The following ANXA8 variants were observed in gnomAD, a reference collection of about 807,000 sequenced individuals.
ANXA8 encodes the protein annexin A8.
In ANXA8, 9 loss-of-function variants were observed where a neutral mutation model predicts 26.8. That is an observed-to-expected ratio of 0.34 (90% CI 0.20 to 0.59). ANXA8 has a LOEUF of 0.59. Among genes scored for constraint, ANXA8 ranks in the 20% least tolerant of loss-of-function variants. The pLI, the probability that ANXA8 is intolerant of heterozygous loss-of-function variation, is 0.84. For missense variants in ANXA8, 83 were observed against 238.5 expected (o/e 0.35, Z 4.29); for synonymous variants, 39 against 94.8 (o/e 0.41, Z 3.42).
At chr10:47,490,698 TA>T in the ANXA8 span, among the ~76,000 whole-genome samples, 4 of 139,960 alleles carry the variant, frequency 2.9e-5, no homozygotes, top group African/African-American at 8.3e-5. Flanking sequence ...AGTGAAAGGT[TA>T]AAGCAGGTGG....
At chr10:47,684,612 G>C in the ANXA8 span, among the ~76,000 whole-genome samples, 218 of 151,848 alleles carry the variant, frequency 1.4e-3, 3 homozygotes, top group African/African-American at 5.1e-3. Flanking sequence ...TTGAGACAGA[G>C]TCTCGCTCTG....
the ANXA8 span, among the ~76,000 whole-genome samples, chr10:47,665,169 T>C: frequency 6.8e-6 from 1 of 147,334 alleles, no homozygotes; most frequent in East Asian, 2.0e-4. Context: ...AACTGCAAAT[T>C]AAAAAAAAAA....
At chr10:47,526,217 G>T in the ANXA8 span, among the ~76,000 whole-genome samples, 2 of 126,500 alleles carry the variant, frequency 1.6e-5, 1 homozygote, top group South Asian at 5.1e-4. Flanking sequence ...TCATTCAAGT[G>T]CCTAAGCCTC....
chr10:47,478,240 TG>T, intron 3 of ANXA8: 3 of 675,006 alleles, frequency 4.4e-6, no homozygotes, highest in Admixed American at 4.3e-5. Context: ...TGGGGCCTGT[TG>T]GGTGCATGAG....
chr10:47,942,812 C>G, the ANXA8 span, among the ~76,000 whole-genome samples: 1 of 145,920 alleles, frequency 6.9e-6, no homozygotes, highest in Non-Finnish European at 1.5e-5. Flanking sequence ...AGCCTACAGG[C>G]GGCAGGAGGC....
At chr10:47,488,713 ATTTTTTTTTTTTTTTTT>A (rs1160121365), upstream of ANXA8, among the ~76,000 whole-genome samples, 117 of 62,126 alleles carry the variant, frequency 1.9e-3, 1 homozygote, top group Non-Finnish European at 2.6e-3. Context: ...TACATGTTAA[ATTTTTTTTTTTTTTTTT>A]TTTTTTTTTT....
chr10:47,555,829 G>A, the ANXA8 span, among the ~76,000 whole-genome samples: 1 of 152,102 alleles, frequency 6.6e-6, no homozygotes. Context: ...GGTTTCAGAA[G>A]TGTGTGAGTA....
At chr10:47,937,356 C>T in the ANXA8 span, among the ~76,000 whole-genome samples, 1 of 149,332 alleles carries the variant, frequency 6.7e-6, no homozygotes, top group African/African-American at 2.4e-5. Context: ...GGGTTTGAAC[C>T]AGAATATTTT....
chr10:47,627,182 G>C, the ANXA8 span, among the ~76,000 whole-genome samples: 1 of 150,182 alleles, frequency 6.7e-6, no homozygotes, highest in East Asian at 1.9e-4. Flanking sequence ...AACAGGAACA[G>C]TAATAATCTT....
At chr10:47,668,902 C>T in the ANXA8 span, among the ~76,000 whole-genome samples, 2 of 151,490 alleles carry the variant, frequency 1.3e-5, no homozygotes, top group South Asian at 4.1e-4. Flanking sequence ...TTCATGTCAG[C>T]TTCTGATTAC....
chr10:47,955,092 G>C, the ANXA8 span, among the ~76,000 whole-genome samples: 103,184 of 138,472 alleles, frequency 0.75, 36,226 homozygotes, highest in Non-Finnish European at 0.81. Context: ...GATCTTTACT[G>C]TGCTGTTCTC....
the ANXA8 span, among the ~76,000 whole-genome samples, chr10:47,712,791 CT>C: frequency 2.8e-4 from 20 of 70,716 alleles, no homozygotes; most frequent in South Asian, 5.6e-4. Flanking sequence ...GCATAAGGCA[CT>C]TTTTTTTTTT....
At chr10:47,628,361 G>A in the ANXA8 span, among the ~76,000 whole-genome samples, 109 of 151,958 alleles carry the variant, frequency 7.2e-4, no homozygotes, top group East Asian at 0.011. Context: ...TTATACAAGA[G>A]AAGAAAATTA....
chr10:47,701,182 C>T, the ANXA8 span, among the ~76,000 whole-genome samples: 1 of 150,232 alleles, frequency 6.7e-6, no homozygotes, highest in African/African-American at 2.5e-5. Context: ...CATTTCTCAC[C>T]TATCAGATTG....
At chr10:47,495,942 C>T in the ANXA8 span, among the ~76,000 whole-genome samples, 11 of 151,516 alleles carry the variant, frequency 7.3e-5, no homozygotes, top group African/African-American at 2.7e-4. Flanking sequence ...GCAGGTGGTG[C>T]CCGGGGAAGT....
At chr10:47,977,392 G>GA in the ANXA8 span, among the ~76,000 whole-genome samples, 22 of 151,230 alleles carry the variant, frequency 1.5e-4, no homozygotes, top group African/African-American at 4.3e-4. Context: ...CAGTTTTTAA[G>GA]AAAAAAATAT....
chr10:47,502,861 A>C, the ANXA8 span: 1 of 1,604,292 alleles, frequency 6.2e-7, no homozygotes, highest in African/African-American at 1.4e-5. Flanking sequence ...CGTGGCTTCA[A>C]AGTGCCACGT....
chr10:47,594,788 C>T, the ANXA8 span, among the ~76,000 whole-genome samples: 9 of 147,428 alleles, frequency 6.1e-5, no homozygotes, highest in East Asian at 1.4e-3. Context: ...ACTTCTACAA[C>T]TTATTGGTAT....
the ANXA8 span, among the ~76,000 whole-genome samples, chr10:47,558,406 C>T: frequency 4.0e-5 from 6 of 151,816 alleles, no homozygotes; most frequent in Non-Finnish European, 5.9e-5. Context: ...CTAGCTTAGC[C>T]AGCCGTGGAC....
Sources: gnomAD v4.1 joint callset for allele counts (sites outside exome capture counted in the v4.1 genomes callset) on GRCh38, gnomAD v4.1.1 for gene constraint, MANE v1.5 for transcripts, NCBI Gene and HGNC (gene_info 2026-07-23, HGNC 2026-07-21) for gene names.